DPY19L4: variants seen among roughly 807,000 people sequenced by gnomAD.
DPY19L4 encodes the protein dpy-19 like 4, also known as probable C-mannosyltransferase DPY19L4.
A neutral mutation model predicts 102.8 loss-of-function variants in DPY19L4; 97 were observed. The observed-to-expected ratio is 0.94, with a 90% CI of 0.80 to 1.12. The LOEUF (loss-of-function observed/expected upper bound fraction) is 1.12. Ranked by LOEUF, DPY19L4 falls within the 50% of genes most tolerant of loss-of-function variation. The probability of loss-of-function intolerance (pLI) is 0.00; values close to 1 mark genes in which losing one functional copy is unlikely to be tolerated. For synonymous variants in DPY19L4, 252 were observed against 283.1 expected, an observed-to-expected ratio of 0.89 and a Z score of 1.10; for missense variants, 815 against 850.4, an observed-to-expected ratio of 0.96 and a Z score of 0.52.
At chr8:94,749,237 A>G (rs763424199) in intron 6 of DPY19L4, among the ~76,000 whole-genome samples, 20 of 152,156 alleles carry the variant, frequency 1.3e-4, no homozygotes, top group Non-Finnish European at 2.9e-4. Flanking sequence ...GCCAAACCAT[A>G]TCACCCCACA....
intron 6 of DPY19L4, among the ~76,000 whole-genome samples, chr8:94,751,259 C>T (rs926375186): frequency 1.3e-5 from 2 of 151,122 alleles, no homozygotes. Flanking sequence ...GCTGGGACTA[C>T]AGGCGCCCGC....
At chr8:94,777,917 C>A (rs2130922423) in intron 14 of DPY19L4, 131 bp downstream of exon 14, 2 of 1,148,858 alleles carry the variant, frequency 1.7e-6, no homozygotes, top group South Asian at 1.7e-5. Context: ...AAAAACAGAT[C>A]CTGCGCAAAA....
chr8:94,775,057 A>T (rs1490508214), intron 13 of DPY19L4, among the ~76,000 whole-genome samples: 2 of 152,234 alleles, frequency 1.3e-5, no homozygotes, highest in Non-Finnish European at 2.9e-5. Flanking sequence ...CACTGTGGAT[A>T]CAAGGGGTCT....
intron 14 of DPY19L4, among the ~76,000 whole-genome samples, chr8:94,779,609 G>A (rs1259917108): frequency 6.6e-6 from 1 of 151,972 alleles, no homozygotes; most frequent in African/African-American, 2.4e-5. Context: ...TTATAGGTGT[G>A]AGCTACCGCA....
chr8:94,730,694 G>A (rs1330802714), intron 2 of DPY19L4, among the ~76,000 whole-genome samples: 3 of 149,674 alleles, frequency 2.0e-5, no homozygotes, highest in Non-Finnish European at 4.5e-5. Flanking sequence ...GCAGTGAGTC[G>A]AGATCACGCC....
intron 9 of DPY19L4, 36 bp downstream of exon 9, chr8:94,765,350 A>ATT (rs753127840): frequency 1.1e-4 from 129 of 1,220,292 alleles, no homozygotes; most frequent in African/African-American, 4.1e-4. Flanking sequence ...TCTTATTTTG[A>ATT]TTTTTTTTTT....
chr8:94,743,907 G>A (rs1427381676), intron 6 of DPY19L4, among the ~76,000 whole-genome samples: 1 of 151,958 alleles, frequency 6.6e-6, no homozygotes, highest in East Asian at 1.9e-4. Context: ...TCAGGAGGCT[G>A]AGGCAGGAGA....
chr8:94,747,871 G>A (rs772041745), intron 6 of DPY19L4, among the ~76,000 whole-genome samples: 1 of 152,026 alleles, frequency 6.6e-6, no homozygotes, highest in Non-Finnish European at 1.5e-5. Context: ...ATACTATGAT[G>A]TTTCTAAACA....
intron 11 of DPY19L4, among the ~76,000 whole-genome samples, chr8:94,768,055 C>G (rs1006175099): frequency 3.3e-5 from 5 of 152,070 alleles, no homozygotes; most frequent in Admixed American, 2.6e-4. Flanking sequence ...TTCAACAATG[C>G]ATTTGTAGAG....
At chr8:94,741,385 T>C (rs1233518839) in intron 6 of DPY19L4, among the ~76,000 whole-genome samples, 1 of 152,216 alleles carries the variant, frequency 6.6e-6, no homozygotes, top group Non-Finnish European at 1.5e-5. Context: ...TTTTATTAGG[T>C]TTTATAAAAT....
intron 6 of DPY19L4, among the ~76,000 whole-genome samples, chr8:94,740,428 CTGTTTTGGTTT>C (rs745671835): frequency 6.4e-4 from 97 of 151,918 alleles, no homozygotes; most frequent in African/African-American, 2.7e-4. Context: ...ATTTACAATA[CTGTTTTGGTTT>C]TGTTTTGGTT....
At chr8:94,766,708 T>C in intron 11 of DPY19L4, 23 bp downstream of exon 11, 1 of 1,586,838 alleles carries the variant, frequency 6.3e-7, no homozygotes, top group Non-Finnish European at 8.6e-7. Flanking sequence ...TTATGTAAGT[T>C]TACCTAAATC....
chr8:94,720,234 A>C (rs1045561390), intron 1 of DPY19L4: 1 of 985,346 alleles, frequency 1.0e-6, no homozygotes, highest in Non-Finnish European at 1.2e-6. Flanking sequence ...TTGGGAAGCA[A>C]AGGTGGAGCT....
chr8:94,777,094 G>T (rs1467164632), intron 13 of DPY19L4, among the ~76,000 whole-genome samples: 1 of 151,788 alleles, frequency 6.6e-6, no homozygotes, highest in African/African-American at 2.4e-5. Flanking sequence ...TTAAGACAGA[G>T]TCTCGCTTTT....
At chr8:94,739,274 T>TA (rs900655817) in intron 4 of DPY19L4, 139 bp from the exon 5 acceptor site, 16 of 988,348 alleles carry the variant, frequency 1.6e-5, no homozygotes, top group Admixed American at 7.1e-5. Flanking sequence ...GCTAAATTTT[T>TA]AAAAAATGGA....
In DPY19L4 at chr8:94,761,822, G is replaced by A. The variant is rs1006405266; in HGVS notation, c.858G>A (p.Glu286=). The A allele has an allele frequency of 5.6e-6, 9 of 1,605,396 alleles. No homozygotes were observed. Among genetic ancestry groups the A allele is most frequent in the African/African-American group, 1.3e-5 (1 of 74,616 alleles). ...TCCTGCTAGATACCTTTTCAGTGGA[G>A]CAAAGTGACAAGGTATTATGGCATT... ...SLFLLDTFSV[E]QSDKVYEVYK... is the part of the protein sequence containing the mutation. Residue 286 remains glutamate, a synonymous_variant, in exon 8 of 19, where the codon GAG becomes GAA. Coordinates refer to ENST00000414645, the MANE Select transcript of DPY19L4 (RefSeq NM_181787.3).
At chr8:94,732,051 G>A (rs1480552628) in intron 2 of DPY19L4, among the ~76,000 whole-genome samples, 1 of 152,152 alleles carries the variant, frequency 6.6e-6, no homozygotes, top group Non-Finnish European at 1.5e-5. Context: ...GATTACAGGC[G>A]TGAGCCACCG....
At chr8:94,786,485 A>G (rs928912716) in intron 17 of DPY19L4, among the ~76,000 whole-genome samples, 2 of 151,626 alleles carry the variant, frequency 1.3e-5, no homozygotes, top group African/African-American at 4.8e-5. Flanking sequence ...ATAGAGTCTC[A>G]CTCTGGTACG....
intron 12 of DPY19L4, among the ~76,000 whole-genome samples, chr8:94,769,866 T>C (rs933439402): frequency 6.6e-6 from 1 of 151,052 alleles, no homozygotes; most frequent in African/African-American, 2.4e-5. Flanking sequence ...AAGAAGAACC[T>C]ACAAATCTTT....
Sources: allele counts gnomAD v4.1 joint callset (sites outside exome capture counted in the v4.1 genomes callset), GRCh38; gene constraint gnomAD v4.1.1; transcripts MANE v1.5; gene names NCBI Gene and HGNC (gene_info 2026-07-23, HGNC 2026-07-21).